The following NXNL2 variants were observed in gnomAD, a reference collection of about 807,000 sequenced individuals.
NXNL2 encodes the protein nucleoredoxin-like protein 2.
A neutral mutation model predicts 11.1 loss-of-function variants in NXNL2; 7 were observed. The ratio of observed to expected loss-of-function variants is 0.63; its 90% CI spans 0.36 to 1.18. NXNL2 has a LOEUF of 1.18. Ranked by LOEUF, NXNL2 falls within the 50% of genes most tolerant of loss-of-function variation. The pLI is 0.02. For missense variants in NXNL2, 233 were observed against 217.7 expected, an observed-to-expected ratio of 1.07 and a Z score of -0.44; for synonymous variants, 109 against 101.8, an observed-to-expected ratio of 1.07 and a Z score of -0.42.
intron 1 of NXNL2, among the ~76,000 whole-genome samples, chr9:88,552,135 T>C (rs773307905): frequency 3.3e-5 from 5 of 152,170 alleles, no homozygotes; most frequent in Admixed American, 1.3e-4. Flanking sequence ...AACCAGTTGG[T>C]TCTCACATTT....
intron 1 of NXNL2, among the ~76,000 whole-genome samples, chr9:88,554,224 G>T (rs984477998): frequency 1.9e-4 from 29 of 152,062 alleles, no homozygotes; most frequent in Non-Finnish European, 3.4e-4. Flanking sequence ...TTATGTTTTT[G>T]AGATGGAGTC....
At chr9:88,578,820 A>T (rs1830378058), downstream of NXNL2, among the ~76,000 whole-genome samples, 1 of 152,248 alleles carries the variant, frequency 6.6e-6, no homozygotes, top group Non-Finnish European at 1.5e-5. Flanking sequence ...CCTGGACTCC[A>T]TACAGGGAAC....
intron 1 of NXNL2, among the ~76,000 whole-genome samples, chr9:88,539,361 A>ACTGCTG (rs146160350): frequency 6.6e-6 from 1 of 151,760 alleles, no homozygotes; most frequent in Non-Finnish European, 1.5e-5. Flanking sequence ...TAGGTGAGAT[A>ACTGCTG]CTGCTGCTGC....
In NXNL2 at chr9:88,561,647, G is replaced by A. The variant is rs566861022; in HGVS notation, c.303-9440G>A. Among the ~76,000 whole-genome samples the A allele has an allele frequency of 5.3e-5, 8 of 152,202 alleles. No homozygotes were observed. The East Asian group carries it at 1.5e-3, about 29-fold the overall frequency. ...AAGGTAGGGGTGTGGGGATACAAAGGGGCATAAATAAGCAAGCACCAATAA... is the reference window on the plus strand; with the variant it reads ...AAGGTAGGGGTGTGGGGATACAAAGAGGCATAAATAAGCAAGCACCAATAA... On this transcript the variant is annotated intron_variant, in intron 1 of 2. Transcript: ENST00000375855.
At chr9:88,560,296 A>G (rs769025783) in intron 1 of NXNL2, among the ~76,000 whole-genome samples, 66 of 150,686 alleles carry the variant, frequency 4.4e-4, no homozygotes, top group Admixed American at 3.1e-3. Flanking sequence ...GCTTGTTGGA[A>G]CTCCTACCCA....
chr9:88,558,558 T>C (rs1311446166), intron 1 of NXNL2, among the ~76,000 whole-genome samples: 1 of 152,174 alleles, frequency 6.6e-6, no homozygotes, highest in East Asian at 1.9e-4. Flanking sequence ...GTATAGCCAC[T>C]GGGTCAAAAG....
rs775439193 is a variant in NXNL2, at chr9:88,535,650, C to T, written c.216C>T (p.Ala72=). The T allele has an allele frequency of 5.0e-6, 8 of 1,608,604 alleles. No individual in the cohort carries two copies. The highest frequency in any genetic ancestry group is 5.9e-6 in the Non-Finnish European group (7 of 1,179,350). ...CCTTCGAAGTGGTCTTCGTGTCAGC[C>T]GACGGCAGCTCCCAGGAGATGCTGG... ...PAPFEVVFVS[A]DGSSQEMLDF... The change falls in exon 1 of 2, where the codon GCC becomes GCT. Residue 72 remains alanine (A), a synonymous_variant. Coordinates refer to ENST00000375854, the MANE Select transcript of NXNL2 (RefSeq NM_001161625.2).
intron 1 of NXNL2, among the ~76,000 whole-genome samples, chr9:88,558,455 A>C (rs563310030): frequency 7.2e-5 from 11 of 152,282 alleles, no homozygotes; most frequent in African/African-American, 2.6e-4. Flanking sequence ...TTTTATAATA[A>C]ATGGATAGAT....
intron 1 of NXNL2, among the ~76,000 whole-genome samples, chr9:88,581,813 C>T (rs956215373): frequency 6.6e-6 from 1 of 152,190 alleles, no homozygotes; most frequent in South Asian, 2.1e-4. Flanking sequence ...TCAGTAAGAA[C>T]ATATTGTGGA....
downstream of NXNL2, among the ~76,000 whole-genome samples, chr9:88,546,779 C>G (rs775388857): frequency 6.6e-6 from 1 of 152,084 alleles, no homozygotes; most frequent in Admixed American, 6.5e-5. Flanking sequence ...AGTATTCCAG[C>G]CTTCTTTCCG....
chr9:88,584,011 A>T (rs1184104112), exon 2 of NXNL2: 1 of 152,262 alleles, frequency 6.6e-6, no homozygotes, highest in South Asian at 2.1e-4. Context: ...GCCGGAGCCA[A>T]CTAATACATG....
Position 88,535,302 on chromosome 9 carries a change from G to GGCA in NXNL2, c.-131_-129dup. 2.4e-6 allele frequency: 2 copies of GGCA among 837,410 alleles called. No homozygotes were observed. Among genetic ancestry groups the GGCA allele is most frequent in the Non-Finnish European group, 3.6e-6 (2 of 559,048 alleles). 51.9% of individuals were successfully genotyped at this position (837,410 alleles called of 1,614,324 possible). A position where few individuals can be genotyped will look rare whatever the true frequency, so the allele number is the denominator to read the frequency against. Reference sequence around the variant, plus strand: ...CTGGCCAAGGTGTGGGCGCATCTGGGGCAGGTCTTGAGAGGTCCAGCGCCC... The same window carrying GGCA: ...CTGGCCAAGGTGTGGGCGCATCTGGGGCAGCAGGTCTTGAGAGGTCCAGCGCCC... On this transcript the variant is annotated 5_prime_UTR_variant, in exon 1 of 2. Transcript: ENST00000375854.
chr9:88,537,162 A>G (rs1227362607), intron 1 of NXNL2, among the ~76,000 whole-genome samples: 18 of 152,176 alleles, frequency 1.2e-4, no homozygotes, highest in Non-Finnish European at 2.6e-4. Flanking sequence ...CTGATCACAT[A>G]TGAGCTCATG....
intron 1 of NXNL2, among the ~76,000 whole-genome samples, chr9:88,566,193 G>A (rs571589666): frequency 1.3e-5 from 2 of 152,130 alleles, no homozygotes; most frequent in East Asian, 3.9e-4. Flanking sequence ...TTAGTTTGAT[G>A]TAATCCCACT....
chr9:88,561,289 T>G (rs1830082187), intron 1 of NXNL2, among the ~76,000 whole-genome samples: 2 of 152,156 alleles, frequency 1.3e-5, no homozygotes, highest in Non-Finnish European at 2.9e-5. Context: ...AGACTCCAAG[T>G]TCTTCAGTTT....
At chr9:88,577,623 AAGAGAGAG>A (rs5899044), downstream of NXNL2, among the ~76,000 whole-genome samples, 3 of 149,394 alleles carry the variant, frequency 2.0e-5, no homozygotes, top group Admixed American at 1.3e-4. Context: ...TGGAGAGAGA[AAGAGAGAG>A]AGAGAGAGAG....
chr9:88,573,421 C>T lies in NXNL2; in HGVS notation c.*17-1666C>T, dbSNP rs139067290. On this transcript the variant is annotated intron_variant, in intron 2 of 2. Coordinates refer to the NXNL2 transcript ENST00000375855. Reference sequence around the variant, plus strand: ...AGCCTTCCAAAGTGCTGCGATTACACGCATGAGCCACTGTGCCTGGCCATA... The same window carrying T: ...AGCCTTCCAAAGTGCTGCGATTACATGCATGAGCCACTGTGCCTGGCCATA... Among the ~76,000 whole-genome samples the T allele has an allele frequency of 6.6e-5, 10 of 152,262 alleles. No individual in the cohort carries two copies. In the East Asian group the frequency reaches 9.7e-4, roughly 15 times the overall value.
chr9:88,536,452 T>C (rs1167753992), intron 1 of NXNL2, among the ~76,000 whole-genome samples: 2 of 151,982 alleles, frequency 1.3e-5, no homozygotes, highest in African/African-American at 4.8e-5. Flanking sequence ...AGGGATTGAT[T>C]GTTCTGCTTT....
Position 88,535,645 on chromosome 9 carries a change from T to G in NXNL2, c.211T>G (p.Ser71Ala), listed in dbSNP as rs1379540691. The change falls in exon 1 of 2, where the codon TCA (serine) becomes GCA (alanine). Residue 71 changes from serine (S) to alanine (A), a missense_variant. Physicochemically the swap from Ser to Ala is moderately conservative, Grantham distance 99. Transcript: ENST00000375854. ...RPAPFEVVFV[S>A]ADGSSQEMLD... ...CGCGCCCTTCGAAGTGGTCTTCGTG[T>G]CAGCCGACGGCAGCTCCCAGGAGAT... 1.2e-6 allele frequency: 2 copies of G among 1,608,814 alleles called. No homozygotes were observed. The highest frequency in any genetic ancestry group is 1.7e-6 in the Non-Finnish European group (2 of 1,179,378).
Sources: allele counts gnomAD v4.1 joint callset (sites outside exome capture counted in the v4.1 genomes callset), GRCh38; gene constraint gnomAD v4.1.1; transcripts MANE v1.5; gene names NCBI Gene and HGNC (gene_info 2026-07-23, HGNC 2026-07-21).